Variants in TBC1D9B observed in about 807,000 individuals in gnomAD.
TBC1D9B encodes TBC1 domain family, member 9B (with GRAM domain).
A neutral mutation model predicts 121.1 loss-of-function variants in TBC1D9B; 87 were observed. The observed-to-expected ratio is 0.72, with a 90% CI of 0.60 to 0.86. The LOEUF (loss-of-function observed/expected upper bound fraction) is 0.86, where lower values mean the gene tolerates loss of function less well. Among genes scored for constraint, TBC1D9B ranks in the 40% least tolerant of loss-of-function variants. The pLI, the probability that TBC1D9B is intolerant of heterozygous loss-of-function variation, is 0.00. For synonymous variants in TBC1D9B, 668 were observed against 670.1 expected (o/e 1.00, Z 0.05); for missense variants, 1,540 against 1,628.6 (o/e 0.95, Z 0.94).
intron 18 of TBC1D9B, chr5:179,867,286 G>A (rs1325162714): frequency 6.3e-6 from 5 of 790,982 alleles, no homozygotes; most frequent in Non-Finnish European, 9.9e-6. Context: ...CACGGAGGCG[G>A]TGCAGAGGAG....
chr5:179,879,551 G>A (rs1479912642), intron 8 of TBC1D9B, 77 bp downstream of exon 8: 4 of 1,606,004 alleles, frequency 2.5e-6, no homozygotes, highest in Non-Finnish European at 3.4e-6. Flanking sequence ...GAAGGCCCAG[G>A]CCCAGGACTG....
At chr5:179,870,722 C>G (rs1263187234) in intron 15 of TBC1D9B, 1 of 641,502 alleles carries the variant, frequency 1.6e-6, no homozygotes, top group East Asian at 2.9e-5. Flanking sequence ...CCTTGGCAGC[C>G]TGCAGGGGGC....
At chr5:179,898,536 C>T (rs1393206415) in intron 3 of TBC1D9B, among the ~76,000 whole-genome samples, 1 of 151,866 alleles carries the variant, frequency 6.6e-6, no homozygotes, top group Non-Finnish European at 1.5e-5. Flanking sequence ...GCAACCTCGG[C>T]CTCCTGGGTT....
At chr5:179,867,625 C>G in intron 18 of TBC1D9B, 153 bp downstream of exon 18, 1 of 1,481,016 alleles carries the variant, frequency 6.8e-7, no homozygotes. Flanking sequence ...GCCAGCATGG[C>G]AGAGCCCAGC....
At chr5:179,878,130 C>T (rs1322449624) in intron 10 of TBC1D9B, among the ~76,000 whole-genome samples, 179 bp downstream of exon 10, 1 of 152,244 alleles carries the variant, frequency 6.6e-6, no homozygotes, top group Non-Finnish European at 1.5e-5. Context: ...ACGACGACTT[C>T]TATTCGGCAT....
chr5:179,873,349 C>A, intron 12 of TBC1D9B, 101 bp from the exon 13 acceptor site: 1 of 1,440,254 alleles, frequency 6.9e-7, no homozygotes. Context: ...TATGCAGACT[C>A]CTAATAAGGA....
In TBC1D9B at chr5:179,902,963, G is replaced by A. The variant is rs532572729; in HGVS notation, c.229+1739C>T. 2.0e-3 allele frequency among the ~76,000 whole-genome samples: 302 copies of A among 152,320 alleles called. No individual in the cohort carries two copies. Among genetic ancestry groups the A allele is most frequent in the Middle Eastern group, 0.01 (3 of 294 alleles). On this transcript the variant is annotated intron_variant, in intron 2 of 20. Transcript: ENST00000355235. The surrounding 1 kb of genome is among the most constrained non-coding windows in gnomAD (Gnocchi z 4.9). ...GGGCACTGCTGGTCAGGATGCCCGTGCAGAGCGCCCACCTGGGAGTGGGGC... is the reference window on the plus strand; with the variant it reads ...GGGCACTGCTGGTCAGGATGCCCGTACAGAGCGCCCACCTGGGAGTGGGGC...
In TBC1D9B at chr5:179,891,671, G is replaced by A; in HGVS notation, c.837-85C>T. ...TCAAGGAAGCCTTGGGGCCTCCCCA[G>A]GCCTGTTTCCACATCAGATTCAGGA... On this transcript the variant is annotated intron_variant, in intron 5 of 20. Transcript: ENST00000355235. The surrounding 1 kb of genome is among the most constrained non-coding windows in gnomAD (Gnocchi z 4.3). The A allele has an allele frequency of 2.0e-6, 3 of 1,482,986 alleles. No individual in the cohort carries two copies. Among genetic ancestry groups the A allele is most frequent in the Non-Finnish European group, 2.8e-6 (3 of 1,084,908 alleles). The allele number at this position is 1,482,986 out of a possible 1,614,324, so 91.9% of individuals were successfully genotyped here.
rs1761259686 is a variant in TBC1D9B at position 179,904,604 on chromosome 5, AT to A, written c.229+97del. ...CCTTGGGCTATGCTGTCAGCAGGGA[AT>A]ACCACCCAGACACGTGGGCTACACA... is the stretch of plus-strand genomic sequence containing the variant. On this transcript the variant is annotated intron_variant, in intron 2 of 20. Coordinates refer to ENST00000355235, the MANE Select transcript of TBC1D9B (RefSeq NM_015043.4). This position sits in a 1 kb window ranked among gnomAD's most constrained non-coding sequence, Gnocchi z 4.2. 9 of 1,041,854 alleles carry A rather than the reference AT, an allele frequency of 8.6e-6. No homozygotes were observed. In the East Asian group the frequency reaches 2.4e-4, roughly 28 times the overall value. The allele number at this position is 1,041,854 out of a possible 1,614,324, so 64.5% of individuals were successfully genotyped here.
intron 7 of TBC1D9B, 96 bp from the exon 8 acceptor site, chr5:179,879,885 G>A: frequency 1.4e-6 from 2 of 1,384,272 alleles, no homozygotes; most frequent in African/African-American, 1.5e-5. Context: ...GGGGCCCGGT[G>A]CAAGAAGGGC....
chr5:179,871,355 A>G (rs1188537493), intron 15 of TBC1D9B, 107 bp downstream of exon 15: 1 of 1,122,490 alleles, frequency 8.9e-7, no homozygotes, highest in Non-Finnish European at 1.3e-6. Context: ...TTTCTATTCT[A>G]TTCCCTATTT....
intron 14 of TBC1D9B, 122 bp downstream of exon 14, chr5:179,872,770 T>G (rs958973834): frequency 2.2e-5 from 20 of 888,918 alleles, no homozygotes; most frequent in Non-Finnish European, 3.3e-5. Context: ...CCTACCATGA[T>G]GTACATACCA....
Position 179,875,942 on chromosome 5 carries a change from G to C in TBC1D9B, c.1878C>G (p.Asp626Glu). The change falls in exon 11 of 21, where the codon GAC becomes GAG. Residue 626 changes from aspartate (D) to glutamate (E), a missense_variant. By Grantham distance (45) the Asp-to-Glu change is conservative. Transcript: ENST00000355235. This position sits in a 1 kb window ranked among gnomAD's most constrained non-coding sequence, Gnocchi z 4.5. ...CACCCACCACCCTGGTGTTGTAGTA[G>C]TCGGGCAGCATGCGCTCGCACAGGG... ...LVALCERMLP[D>E]YYNTRVVGAL... The C allele has an allele frequency of 6.2e-7, 1 of 1,608,978 alleles. No individual in the cohort carries two copies. The highest frequency in any genetic ancestry group is 8.5e-7 in the Non-Finnish European group (1 of 1,178,178).
At position 179,903,408 on chromosome 5, in the gene TBC1D9B, T is replaced by C. The variant is rs983709601; in HGVS notation, c.229+1294A>G. On this transcript the variant is annotated intron_variant, in intron 2 of 20. Transcript: ENST00000355235. Reference sequence around the variant, plus strand: ...TGAAAGGGGACTTCCCTCCGCACTCTTGGACGGGTGAGTGCGCTTCCACCT... The same window carrying C: ...TGAAAGGGGACTTCCCTCCGCACTCCTGGACGGGTGAGTGCGCTTCCACCT... 5.9e-5 allele frequency among the ~76,000 whole-genome samples: 9 copies of C among 152,286 alleles called. 1 individual carries two copies. Among genetic ancestry groups the C allele is most frequent in the Non-Finnish European group, 1.2e-4 (8 of 68,008 alleles).
chr5:179,883,779 C>T (rs546907062), intron 7 of TBC1D9B, among the ~76,000 whole-genome samples: 11 of 152,156 alleles, frequency 7.2e-5, no homozygotes, highest in South Asian at 4.2e-4. Context: ...ACTTTCTCCC[C>T]GCAATATCTT....
chr5:179,907,784 G>A lies in TBC1D9B; in HGVS notation c.38C>T (p.Ala13Val), dbSNP rs773804030. ...LSPEEVLVAN[A>V]LWVTERANPF... is the part of the protein sequence containing the mutation. The stretch of plus-strand genomic sequence containing the variant: ...GTTGGCCCGCTCCGTCACCCACAGC[G>A]CATTGGCCACCAGCACCTCCTCCGG... Residue 13 changes from alanine to valine, a missense_variant, in exon 1 of 21, where the codon GCG (alanine) becomes GTG (valine). Ala to Val is a moderately conservative substitution (Grantham distance 64). Transcript: ENST00000355235. This position sits in a 1 kb window ranked among gnomAD's most constrained non-coding sequence, Gnocchi z 5.3. 3.3e-6 allele frequency: 4 copies of A among 1,226,756 alleles called. No homozygotes were observed. The highest frequency in any genetic ancestry group is 1.5e-5 in the South Asian group (1 of 68,512). 76.0% of individuals were successfully genotyped at this position (1,226,756 alleles called of 1,614,324 possible).
Position 179,904,638 on chromosome 5 carries a change from C to T in TBC1D9B, c.229+64G>A, listed in dbSNP as rs1761260565. 1.4e-6 allele frequency: 2 copies of T among 1,423,632 alleles called. No individual in the cohort carries two copies. Among genetic ancestry groups the T allele is most frequent in the East Asian group, 2.5e-5 (1 of 39,994 alleles). 88.2% of individuals were successfully genotyped at this position (1,423,632 alleles called of 1,614,324 possible). A position where few individuals can be genotyped will look rare whatever the true frequency, so the allele number is the denominator to read the frequency against. On this transcript the variant is annotated intron_variant, in intron 2 of 20. Coordinates refer to ENST00000355235, the MANE Select transcript of TBC1D9B (RefSeq NM_015043.4). The surrounding 1 kb of genome is among the most constrained non-coding windows in gnomAD (Gnocchi z 4.2). ...AGACACGTGGGCTACACACCCCTTC[C>T]TCTCGGCAACGGCCCTTCCAGGGCA...
rs1037167441 is a variant in TBC1D9B, at chr5:179,894,461, G to A, written c.502C>T (p.Arg168Cys). ...NYYSCSYWKG[R>C]VPRQGWLYLT... is the part of the protein sequence containing the mutation. The stretch of plus-strand genomic sequence containing the variant: ...TACAGCCAGCCCTGCCGGGGCACGC[G>A]GCCCTTCCAGTAGCTGCAGGAGTAG... Residue 168 changes from arginine to cysteine, a missense_variant, in exon 4 of 21, where the codon CGC becomes TGC. Transcript: ENST00000355235. 3.7e-6 allele frequency: 6 copies of A among 1,614,160 alleles called. No homozygotes were observed. Among genetic ancestry groups the A allele is most frequent in the East Asian group, 2.2e-5 (1 of 44,876 alleles).
At position 179,869,713 on chromosome 5, in the gene TBC1D9B, C is replaced by T. The variant is rs756480992; in HGVS notation, c.2791+56G>A. On this transcript the variant is annotated intron_variant, in intron 17 of 20. Coordinates refer to ENST00000355235, the MANE Select transcript of TBC1D9B (RefSeq NM_015043.4). The stretch of plus-strand genomic sequence containing the variant: ...TCTCACAGAGGCCTGTCCTCTGCAG[C>T]TGAACTTCTGGACAAGTGGGAGACC... The T allele has an allele frequency of 2.4e-5, 39 of 1,594,656 alleles. No homozygotes were observed. The African/African-American group carries it at 4.3e-4, about 18-fold the overall frequency.
Sources: allele counts gnomAD v4.1 joint callset (sites outside exome capture counted in the v4.1 genomes callset), GRCh38; gene constraint gnomAD v4.1.1; non-coding constraint Gnocchi (gnomAD v3.1); transcripts MANE v1.5; gene names NCBI Gene and HGNC (gene_info 2026-07-23, HGNC 2026-07-21).